Variants in ASTN2 observed in about 807,000 individuals in gnomAD.
ASTN2 encodes astrotactin-2.
In ASTN2, 54 loss-of-function variants were observed where a neutral mutation model predicts 139.8. That is an observed-to-expected ratio of 0.39 (90% CI 0.31 to 0.48). ASTN2 has a LOEUF of 0.48. ASTN2 is among the 20% of genes least tolerant of loss of function. The pLI is 0.95. For missense variants in ASTN2, 1,565 were observed against 1,725.1 expected (o/e 0.91, Z 1.64); for synonymous variants, 756 against 719.5 (o/e 1.05, Z -0.81).
intron 13 of ASTN2, among the ~76,000 whole-genome samples, chr9:116,780,843 CTT>C (rs35531108): frequency 6.9e-6 from 1 of 144,788 alleles, no homozygotes; most frequent in Admixed American, 6.9e-5. Context: ...ATGTCAAATT[CTT>C]TTTTTTTTTT....
intron 3 of ASTN2, among the ~76,000 whole-genome samples, chr9:117,211,838 C>A (rs1405823677): frequency 1.3e-5 from 2 of 151,898 alleles, no homozygotes; most frequent in Non-Finnish European, 2.9e-5. Flanking sequence ...ACATAGAAAT[C>A]AATGTAACCA....
intron 10 of ASTN2, among the ~76,000 whole-genome samples, chr9:116,959,970 G>A (rs532820273): frequency 1.4e-4 from 22 of 152,142 alleles, no homozygotes; most frequent in Non-Finnish European, 2.8e-4. Context: ...CGCTCCCGTT[G>A]CCATGGCGAT....
At chr9:117,161,366 C>A (rs1588029388) in intron 3 of ASTN2, among the ~76,000 whole-genome samples, 2 of 152,092 alleles carry the variant, frequency 1.3e-5, no homozygotes, top group African/African-American at 4.8e-5. Context: ...AGAACTGGAG[C>A]AGCTTTATGA....
chr9:116,458,287 A>G (rs1364063287), intron 20 of ASTN2, among the ~76,000 whole-genome samples: 1 of 151,998 alleles, frequency 6.6e-6, no homozygotes, highest in Non-Finnish European at 1.5e-5. Flanking sequence ...AAAATGAATA[A>G]CATCTAGTAT....
At chr9:117,178,239 C>T (rs1830966811) in intron 3 of ASTN2, among the ~76,000 whole-genome samples, 3 of 152,150 alleles carry the variant, frequency 2.0e-5, no homozygotes, top group Admixed American at 2.0e-4. Context: ...TGTCCATGCT[C>T]TCCACTAGAA....
chr9:116,742,856 C>T (rs747755977), intron 13 of ASTN2, among the ~76,000 whole-genome samples: 2 of 152,130 alleles, frequency 1.3e-5, no homozygotes, highest in Non-Finnish European at 1.5e-5. Flanking sequence ...GTAGATGAGG[C>T]TGAGATTAGA....
At chr9:117,014,655 G>A (rs1336238503) in intron 6 of ASTN2, among the ~76,000 whole-genome samples, 3 of 152,048 alleles carry the variant, frequency 2.0e-5, no homozygotes. Context: ...CTAACCTCTA[G>A]TGTCTCAGAA....
chr9:116,761,083 C>T (rs967298153), intron 13 of ASTN2, among the ~76,000 whole-genome samples: 1 of 152,198 alleles, frequency 6.6e-6, no homozygotes, highest in African/African-American at 2.4e-5. Flanking sequence ...GTCCTCCACC[C>T]CTCATATCTG....
At chr9:117,214,270 C>CT in intron 3 of ASTN2, 88 bp downstream of exon 3, 3 of 1,464,282 alleles carry the variant, frequency 2.0e-6, no homozygotes, top group Non-Finnish European at 2.8e-6. Context: ...AAAACACTGC[C>CT]TGTAGTCCCC....
At chr9:116,537,480 C>T (rs1302635529) in intron 19 of ASTN2, among the ~76,000 whole-genome samples, 1 of 152,140 alleles carries the variant, frequency 6.6e-6, no homozygotes, top group African/African-American at 2.4e-5. Flanking sequence ...ATATGAGACA[C>T]AGTGATATGT....
chr9:116,606,261 C>G (rs914089014), intron 19 of ASTN2, among the ~76,000 whole-genome samples: 1 of 152,102 alleles, frequency 6.6e-6, no homozygotes, highest in South Asian at 2.1e-4. Flanking sequence ...CGGAACTGAC[C>G]GAGCGATGGC....
chr9:117,001,020 A>G lies in ASTN2; in HGVS notation c.1591+7072T>C, dbSNP rs138966317. On this transcript the variant is annotated intron_variant, in intron 7 of 22. Transcript: ENST00000313400. ...GGCACTAATTGTTGAAATCCCTGGA[A>G]AAACACACTGGAAATGGGCTGTGGC... 7.6e-4 allele frequency among the ~76,000 whole-genome samples: 116 copies of G among 152,298 alleles called. 1 individual carries two copies. The highest frequency in any genetic ancestry group is 2.7e-3 in the African/African-American group (111 of 41,570).
intron 1 of ASTN2, among the ~76,000 whole-genome samples, chr9:117,311,835 A>G (rs1276422995): frequency 3.3e-5 from 5 of 152,188 alleles, no homozygotes; most frequent in Non-Finnish European, 4.4e-5. Context: ...TGAAGTGAAC[A>G]AATAATTTTT....
chr9:116,715,883 A>G (rs184190122), intron 16 of ASTN2, among the ~76,000 whole-genome samples: 2 of 152,284 alleles, frequency 1.3e-5, no homozygotes, highest in East Asian at 3.9e-4. Context: ...GGTATCTGAA[A>G]GGACTGTCTG....
chr9:116,826,600 C>T (rs908243045), intron 11 of ASTN2, among the ~76,000 whole-genome samples: 4 of 152,110 alleles, frequency 2.6e-5, no homozygotes, highest in Admixed American at 6.6e-5. Flanking sequence ...GTTGCTCTAC[C>T]ACCATCATTA....
chr9:117,293,590 G>T (rs1451926129), intron 1 of ASTN2, among the ~76,000 whole-genome samples: 1 of 152,124 alleles, frequency 6.6e-6, no homozygotes, highest in Non-Finnish European at 1.5e-5. Context: ...CTGGGGAGGG[G>T]CTGATTGGGT....
At chr9:116,988,533 T>C (rs1836746684) in intron 7 of ASTN2, among the ~76,000 whole-genome samples, 1 of 152,152 alleles carries the variant, frequency 6.6e-6, no homozygotes, top group Non-Finnish European at 1.5e-5. Flanking sequence ...AACCACCCTG[T>C]GAAGCGGGTG....
At chr9:117,132,492 G>C (rs1829850517) in intron 4 of ASTN2, among the ~76,000 whole-genome samples, 1 of 152,172 alleles carries the variant, frequency 6.6e-6, no homozygotes, top group Admixed American at 6.5e-5. Context: ...CGCTAAGGCT[G>C]CTTTCAGTTG....
At chr9:116,588,256 T>C (rs1223732044) in intron 19 of ASTN2, among the ~76,000 whole-genome samples, 1 of 152,218 alleles carries the variant, frequency 6.6e-6, no homozygotes, top group Admixed American at 6.5e-5. Context: ...AATATTAATG[T>C]TAAAATCCAA....
Sources: allele counts gnomAD v4.1 joint callset (sites outside exome capture counted in the v4.1 genomes callset), GRCh38; gene constraint gnomAD v4.1.1; transcripts MANE v1.5; gene names NCBI Gene and HGNC (gene_info 2026-07-23, HGNC 2026-07-21).